The following FMN2 variants were observed in gnomAD, a reference collection of about 807,000 sequenced individuals.
FMN2 encodes the protein formin 2.
A neutral mutation model predicts 142.3 loss-of-function variants in FMN2; 51 were observed. The observed-to-expected ratio is 0.36, with a 90% CI of 0.29 to 0.45. FMN2 has a LOEUF of 0.45. Ranked by LOEUF, FMN2 falls within the 20% of genes least tolerant of loss-of-function variation. The pLI, the probability that FMN2 is intolerant of heterozygous loss-of-function variation, is 1.00. For synonymous variants in FMN2, 882 were observed against 869.8 expected (o/e 1.01, Z -0.25); for missense variants, 1,936 against 2,122.8 (o/e 0.91, Z 1.73).
At chr1:240,121,681 G>A (rs534083229) in intron 1 of FMN2, among the ~76,000 whole-genome samples, 9 of 131,912 alleles carry the variant, frequency 6.8e-5, no homozygotes, top group African/African-American at 2.3e-4. Context: ...GAGCCACCGC[G>A]CCTGGCCCAG....
At chr1:240,276,379 A>G (rs2102929958) in intron 7 of FMN2, among the ~76,000 whole-genome samples, 1 of 152,288 alleles carries the variant, frequency 6.6e-6, no homozygotes, top group African/African-American at 2.4e-5. Context: ...TGCGTGGTTA[A>G]GAATGTGTGT....
At chr1:240,142,508 G>C (rs1044613164) in intron 2 of FMN2, among the ~76,000 whole-genome samples, 6 of 31,388 alleles carry the variant, frequency 1.9e-4, no homozygotes, top group South Asian at 2.0e-3. Context: ...TATTTTTTGG[G>C]GGGGGATAAA....
chr1:240,098,989 A>G (rs902878339), intron 1 of FMN2, among the ~76,000 whole-genome samples: 1 of 152,178 alleles, frequency 6.6e-6, no homozygotes, highest in Non-Finnish European at 1.5e-5. Context: ...TTCTAGGTAT[A>G]TTTGCAATCC....
chr1:240,215,863 C>T (rs974879094), intron 6 of FMN2, among the ~76,000 whole-genome samples: 28 of 152,014 alleles, frequency 1.8e-4, no homozygotes, highest in African/African-American at 5.6e-4. Context: ...TGCGGGCCAC[C>T]GTGACCAGCT....
intron 16 of FMN2, among the ~76,000 whole-genome samples, chr1:240,452,060 AC>A (rs1676072026): frequency 1.3e-5 from 2 of 151,906 alleles, no homozygotes. Context: ...GTGTGGTGGC[AC>A]TCACCTGTAG....
At chr1:240,463,819 A>G (rs2210863) in intron 16 of FMN2, among the ~76,000 whole-genome samples, 137,396 of 151,906 alleles carry the variant, frequency 0.9, 62,305 homozygotes, top group African/African-American at 0.97. Flanking sequence ...CCTGGCCAAC[A>G]TGGTGAAGCC....
At chr1:240,458,980 A>G (rs1676346922) in intron 16 of FMN2, 1 of 152,222 alleles carries the variant, frequency 6.6e-6, no homozygotes. Context: ...AATTAAAATC[A>G]TCTCTACTAC....
intron 2 of FMN2, among the ~76,000 whole-genome samples, chr1:240,133,302 G>GACTA (rs572999205): frequency 4.3e-4 from 65 of 152,128 alleles, no homozygotes; most frequent in African/African-American, 1.5e-3. Context: ...AAATAGCTGG[G>GACTA]ACTAAATGCA....
intron 14 of FMN2, among the ~76,000 whole-genome samples, chr1:240,360,773 A>G (rs1388102379): frequency 1.3e-5 from 2 of 152,160 alleles, no homozygotes; most frequent in East Asian, 1.9e-4. Context: ...CATATACACC[A>G]TGGAATACTA....
At chr1:240,316,464 G>C (rs1179998176) in intron 8 of FMN2, among the ~76,000 whole-genome samples, 1 of 152,140 alleles carries the variant, frequency 6.6e-6, no homozygotes, top group Non-Finnish European at 1.5e-5. Flanking sequence ...GTCAGAGGAG[G>C]GGCAGGGATT....
At chr1:240,363,792 T>G (rs557774250) in intron 14 of FMN2, among the ~76,000 whole-genome samples, 128 of 152,252 alleles carry the variant, frequency 8.4e-4, no homozygotes, top group Non-Finnish European at 1.5e-3. Flanking sequence ...GCCCTTGTAC[T>G]ACCTTGTCCC....
chr1:240,190,044 G>A (rs900889012), intron 4 of FMN2, among the ~76,000 whole-genome samples: 3 of 152,168 alleles, frequency 2.0e-5, no homozygotes, highest in Non-Finnish European at 4.4e-5. Context: ...GATAAAACAT[G>A]TACAGCATTG....
At chr1:240,114,909 G>A (rs1159512310) in intron 1 of FMN2, among the ~76,000 whole-genome samples, 1 of 152,062 alleles carries the variant, frequency 6.6e-6, no homozygotes, top group South Asian at 2.1e-4. Flanking sequence ...GCCCACCTCG[G>A]CCTCCCAAAG....
chr1:240,471,041 A>T (rs1213264165), intron 16 of FMN2, among the ~76,000 whole-genome samples: 1 of 152,228 alleles, frequency 6.6e-6, no homozygotes, highest in Non-Finnish European at 1.5e-5. Flanking sequence ...GTTCAGGGGT[A>T]CAAGAACATT....
intron 16 of FMN2, among the ~76,000 whole-genome samples, chr1:240,455,939 C>T: frequency 6.6e-6 from 1 of 151,930 alleles, no homozygotes; most frequent in East Asian, 1.9e-4. Flanking sequence ...CACGCCACTG[C>T]ACTCCAGCCT....
At position 240,305,951 on chromosome 1, in the gene FMN2, G is replaced by GTTTTTTTTTGTTTTTTTTTTT. The variant is rs1173599248; in HGVS notation, c.4215+11077_4215+11078insGTTTTTTTTTTTTTTTTTTTT. 2.5e-5 allele frequency among the ~76,000 whole-genome samples: 3 copies of GTTTTTTTTTGTTTTTTTTTTT among 121,764 alleles called. 1 individual carries two copies. 79.9% of individuals were successfully genotyped at this position (121,764 alleles called of 152,430 possible). ...TTTTCTAGACTAGATATGCTTGTAA[G>GTTTTTTTTTGTTTTTTTTTTT]TTTTTTTTTTTTTTTTGAGGTGAAA... On this transcript the variant is annotated intron_variant, in intron 8 of 17. Transcript: ENST00000319653.
intron 8 of FMN2, among the ~76,000 whole-genome samples, chr1:240,328,701 T>G (rs1671279403): frequency 6.6e-6 from 1 of 152,094 alleles, no homozygotes; most frequent in Non-Finnish European, 1.5e-5. Flanking sequence ...GTGATTCTCC[T>G]GCCTCAGCCT....
At chr1:240,470,244 C>G (rs1676765965) in intron 16 of FMN2, among the ~76,000 whole-genome samples, 2 of 149,228 alleles carry the variant, frequency 1.3e-5, no homozygotes, top group Non-Finnish European at 1.5e-5. Flanking sequence ...AATTCCCTAT[C>G]CAAATACTTC....
chr1:240,248,786 G>C (rs1474721883), intron 6 of FMN2, among the ~76,000 whole-genome samples: 2 of 151,716 alleles, frequency 1.3e-5, no homozygotes, highest in Admixed American at 6.6e-5. Context: ...ATATCTCATT[G>C]TGTTTGATTT....
Sources: gnomAD v4.1 joint callset for allele counts (sites outside exome capture counted in the v4.1 genomes callset) on GRCh38, gnomAD v4.1.1 for gene constraint, MANE v1.5 for transcripts, NCBI Gene and HGNC (gene_info 2026-07-23, HGNC 2026-07-21) for gene names.